ZNF528: variants seen among roughly 807,000 people sequenced by gnomAD.
ZNF528 encodes the protein zinc finger protein 528.
A neutral mutation model predicts 13.3 loss-of-function variants in ZNF528; 9 were observed. The observed-to-expected ratio is 0.67, with a 90% CI of 0.41 to 1.18. The LOEUF is 1.18. Among genes scored for constraint, ZNF528 ranks in the 50% most tolerant of loss-of-function variants. ZNF528 has a pLI of 0.01. For synonymous variants in ZNF528, 264 were observed against 254.3 expected (o/e 1.04, Z -0.36); for missense variants, 858 against 745.4 (o/e 1.15, Z -1.76).
rs1477263160 is a variant in ZNF528 at position 52,415,831 on chromosome 19, T to C, written c.979T>C (p.Cys327Arg). 1 of 1,613,928 alleles carries C rather than the reference T, an allele frequency of 6.2e-7. No individual in the cohort carries two copies. Among genetic ancestry groups the C allele is most frequent in the Non-Finnish European group, 8.5e-7 (1 of 1,179,918 alleles). Residue 327 changes from cysteine (C) to arginine (R), a missense_variant, in exon 7 of 7, where the codon TGT becomes CGT. Coordinates refer to ENST00000360465, the MANE Select transcript of ZNF528 (RefSeq NM_032423.3). ...TCATACTGGAGAGAAACCTTACAGT[T>C]GTAATAAATGTGGCAAGGTCTTTAG... Reference protein sequence around the residue: ...KIHTGEKPYSCNKCGKVFSRH... With the variant: ...KIHTGEKPYSRNKCGKVFSRH...
At chr19:52,411,673 A>G (rs1196037594) in intron 6 of ZNF528, 1 of 152,228 alleles carries the variant, frequency 6.6e-6, no homozygotes, top group East Asian at 1.9e-4. Context: ...GACCCCCATC[A>G]GAAATCCTGA....
At chr19:52,414,770 C>T (rs1201969809) in intron 6 of ZNF528, 14 of 428,340 alleles carry the variant, frequency 3.3e-5, no homozygotes, top group East Asian at 6.1e-5. Flanking sequence ...GGATGTGTTT[C>T]TTCTGGCTTG....
At chr19:52,402,709 A>G (rs897137581) in intron 4 of ZNF528, among the ~76,000 whole-genome samples, 1 of 152,088 alleles carries the variant, frequency 6.6e-6, no homozygotes, top group African/African-American at 2.4e-5. Flanking sequence ...GCCATATCCA[A>G]TGATTTCTTA....
chr19:52,410,240 A>G (rs893677925), intron 6 of ZNF528, among the ~76,000 whole-genome samples: 4 of 152,178 alleles, frequency 2.6e-5, no homozygotes, highest in Admixed American at 1.3e-4. Context: ...GACAAAGACA[A>G]TAGAGTATAT....
rs1167400074 is a variant in ZNF528, at chr19:52,417,533, A to G, written c.*794A>G. 2 of 152,542 alleles carry G rather than the reference A, an allele frequency of 1.3e-5. No individual in the cohort carries two copies. The highest frequency in any genetic ancestry group is 2.1e-4 in the South Asian group (1 of 4,856). The allele number at this position is 152,542 out of a possible 1,614,324, so 9.4% of individuals were successfully genotyped here. A position where few individuals can be genotyped will look rare whatever the true frequency, so the allele number is the denominator to read the frequency against. On this transcript the variant is annotated 3_prime_UTR_variant, in exon 7 of 7. Coordinates refer to ENST00000360465, the MANE Select transcript of ZNF528 (RefSeq NM_032423.3). ...TAATAGGTTGCTAGTGTCTGATTAT[A>G]TGGTAGAAATAATGCAAGGAAAAAG...
intron 6 of ZNF528, among the ~76,000 whole-genome samples, chr19:52,410,986 A>G (rs1304824641): frequency 2.6e-5 from 4 of 152,200 alleles, no homozygotes; most frequent in Admixed American, 2.6e-4. Flanking sequence ...CTCCGTAACA[A>G]TATTTCCTAC....
Position 52,416,876 on chromosome 19 carries a change from G to A in ZNF528, c.*137G>A, listed in dbSNP as rs2122611387. 1.2e-6 allele frequency: 1 copy of A among 827,590 alleles called. No homozygotes were observed. Among genetic ancestry groups the A allele is most frequent in the Non-Finnish European group, 1.9e-6 (1 of 539,408 alleles). The allele number at this position is 827,590 out of a possible 1,614,324, so 51.3% of individuals were successfully genotyped here. A position where few individuals can be genotyped will look rare whatever the true frequency, so the allele number is the denominator to read the frequency against. ...CTTTATCAAGGCCTGCCAAATCACT[G>A]GACATCACCACATCACTGTGGAGGA... is the stretch of plus-strand genomic sequence containing the variant. On this transcript the variant is annotated 3_prime_UTR_variant, in exon 7 of 7. Coordinates refer to ENST00000360465, the MANE Select transcript of ZNF528 (RefSeq NM_032423.3).
In ZNF528 at chr19:52,417,643, G is replaced by A. The variant is rs1418038320; in HGVS notation, c.*904G>A. 1 of 152,046 alleles carries A rather than the reference G, an allele frequency of 6.6e-6. No individual in the cohort carries two copies. The highest frequency in any genetic ancestry group is 1.5e-5 in the Non-Finnish European group (1 of 68,224). The allele number at this position is 152,046 out of a possible 1,614,324, so 9.4% of individuals were successfully genotyped here. On this transcript the variant is annotated 3_prime_UTR_variant, in exon 7 of 7. Coordinates refer to ENST00000360465, the MANE Select transcript of ZNF528 (RefSeq NM_032423.3). Reference sequence around the variant, plus strand: ...AGACTTTTTTTTTTTTGGAGATAGAGTCTCACTCTGTTGCCCAGGCTGGAG... The same window carrying A: ...AGACTTTTTTTTTTTTGGAGATAGAATCTCACTCTGTTGCCCAGGCTGGAG...
chr19:52,408,116 C>T (rs769175879), intron 6 of ZNF528: 3 of 151,994 alleles, frequency 2.0e-5, no homozygotes, highest in Non-Finnish European at 4.4e-5. Flanking sequence ...AGAAATTAAT[C>T]CTATATATTT....
At chr19:52,400,265 C>CACACACAT (rs1555806176) in intron 2 of ZNF528, among the ~76,000 whole-genome samples, 1 of 150,804 alleles carries the variant, frequency 6.6e-6, no homozygotes, top group Non-Finnish European at 1.5e-5. Flanking sequence ...CACACACACA[C>CACACACAT]GCCTTTATTT....
chr19:52,408,168 T>A (rs143370173), intron 6 of ZNF528: 5 of 152,178 alleles, frequency 3.3e-5, no homozygotes, highest in Admixed American at 2.6e-4. Flanking sequence ...TATAATGCTT[T>A]TTAAATGAGA....
intron 2 of ZNF528, among the ~76,000 whole-genome samples, chr19:52,399,649 TG>T (rs1249262845): frequency 6.6e-6 from 1 of 152,070 alleles, no homozygotes; most frequent in Non-Finnish European, 1.5e-5. Flanking sequence ...AGATGAGAAT[TG>T]GAACACTATT....
chr19:52,413,397 C>T (rs1277345090), intron 6 of ZNF528: 3 of 152,210 alleles, frequency 2.0e-5, no homozygotes, highest in Non-Finnish European at 4.4e-5. Context: ...GTAGAAGGCA[C>T]GTAGCACCGA....
rs1248579595 is a variant in ZNF528 at position 52,398,504 on chromosome 19, A to G, written c.-252A>G. Reference sequence around the variant, plus strand: ...TTCCGGAAGTGGGCATCTTATTCCAATCCCCTCCCTGTGAATGTGTGGAGA... The same window carrying G: ...TTCCGGAAGTGGGCATCTTATTCCAGTCCCCTCCCTGTGAATGTGTGGAGA... On this transcript the variant is annotated 5_prime_UTR_variant, in exon 2 of 7. Transcript: ENST00000360465. The G allele has an allele frequency of 8.8e-6, 8 of 907,884 alleles. No individual in the cohort carries two copies. Among genetic ancestry groups the G allele is most frequent in the Admixed American group, 6.2e-5 (1 of 16,164 alleles). The allele number at this position is 907,884 out of a possible 1,614,324, so 56.2% of individuals were successfully genotyped here. A position where few individuals can be genotyped will look rare whatever the true frequency, so the allele number is the denominator to read the frequency against.
chr19:52,401,807 A>G, intron 3 of ZNF528, 54 bp downstream of exon 3: 1 of 1,518,500 alleles, frequency 6.6e-7, no homozygotes, highest in Non-Finnish European at 8.8e-7. Flanking sequence ...CTGCTTGCTC[A>G]GTTAGGATAA....
chr19:52,400,063 C>T (rs2058773192), intron 2 of ZNF528, among the ~76,000 whole-genome samples: 1 of 152,130 alleles, frequency 6.6e-6, no homozygotes, highest in African/African-American at 2.4e-5. Flanking sequence ...TGGGAATTGT[C>T]TGTCCCTGCT....
intron 6 of ZNF528, chr19:52,411,630 T>A (rs1324047439): frequency 6.6e-6 from 1 of 152,190 alleles, no homozygotes; most frequent in African/African-American, 2.4e-5. Context: ...GCCATTCTAA[T>A]GGTAAGGCAG....
chr19:52,405,793 A>AT (rs1410728808), intron 4 of ZNF528, 114 bp from the exon 5 acceptor site: 1 of 1,428,048 alleles, frequency 7.0e-7, no homozygotes, highest in Non-Finnish European at 9.7e-7. Context: ...CTTAATATGG[A>AT]TTTTTCACAG....
In ZNF528 at chr19:52,398,472, T is replaced by A; in HGVS notation, c.-284T>A. ...GAGCCAGTTTCCAGCCCACAGAAAA[T>A]GAGCTCTTCCGGAAGTGGGCATCTT... On this transcript the variant is annotated 5_prime_UTR_variant, in exon 2 of 7. An upstream start codon of the reference 5' UTR is lost. Transcript: ENST00000360465. The A allele has an allele frequency of 1.6e-6, 1 of 642,794 alleles. No individual in the cohort carries two copies. The highest frequency in any genetic ancestry group is 8.1e-4 in the Middle Eastern group (1 of 1,232). 39.8% of individuals were successfully genotyped at this position (642,794 alleles called of 1,614,324 possible).
Sources: allele counts gnomAD v4.1 joint callset (sites outside exome capture counted in the v4.1 genomes callset), GRCh38; gene constraint gnomAD v4.1.1; transcripts MANE v1.5; gene names NCBI Gene and HGNC (gene_info 2026-07-23, HGNC 2026-07-21).